CFAP300: variants seen among roughly 807,000 people sequenced by gnomAD.
CFAP300 encodes the protein cilia and flagella associated protein 300.
Under a neutral mutation model 33.0 loss-of-function variants are expected in CFAP300, and 32 were observed. The ratio of observed to expected loss-of-function variants is 0.97; its 90% CI spans 0.73 to 1.30. The LOEUF (loss-of-function observed/expected upper bound fraction) is 1.30. CFAP300 is among the 50% of genes most tolerant of loss of function. CFAP300 has a pLI of 0.00. For missense variants in CFAP300, 356 were observed against 318.1 expected (o/e 1.12, Z -0.90); for synonymous variants, 102 against 106.8 (o/e 0.95, Z 0.28).
At chr11:102,075,836 G>T (rs761205079) in intron 4 of CFAP300, 37 bp from the exon 5 acceptor site, 2 of 1,477,504 alleles carry the variant, frequency 1.4e-6, no homozygotes, top group African/African-American at 2.8e-5. Flanking sequence ...TAAAAATCTT[G>T]AGTTATGTTA....
intron 5 of CFAP300, among the ~76,000 whole-genome samples, chr11:102,079,551 G>A (rs1290318183): frequency 6.6e-6 from 1 of 152,074 alleles, no homozygotes; most frequent in East Asian, 1.9e-4. Context: ...TCCCCAAAAG[G>A]TACACAAGCT....
intron 2 of CFAP300, among the ~76,000 whole-genome samples, chr11:102,049,706 A>C (rs1034657214): frequency 6.6e-6 from 1 of 152,124 alleles, no homozygotes; most frequent in African/African-American, 2.4e-5. Flanking sequence ...TGAATTTTAG[A>C]ATACTGTAAA....
chr11:102,076,806 C>G (rs1942401542), intron 5 of CFAP300, among the ~76,000 whole-genome samples: 1 of 152,138 alleles, frequency 6.6e-6, no homozygotes, highest in Non-Finnish European at 1.5e-5. Flanking sequence ...TGTCATATAG[C>G]TATACAGCAA....
chr11:102,049,845 T>C (rs1941942139), intron 2 of CFAP300, among the ~76,000 whole-genome samples: 1 of 150,234 alleles, frequency 6.7e-6, no homozygotes, highest in Admixed American at 6.6e-5. Context: ...GAGCTAGAAA[T>C]GTTAAGAAAA....
chr11:102,068,431 G>C (rs1228016599), intron 4 of CFAP300, among the ~76,000 whole-genome samples: 2 of 152,154 alleles, frequency 1.3e-5, no homozygotes, highest in Admixed American at 1.3e-4. Context: ...ACACACAATT[G>C]AATGAGACTA....
At chr11:102,073,313 A>T (rs1942341104) in intron 4 of CFAP300, among the ~76,000 whole-genome samples, 1 of 152,142 alleles carries the variant, frequency 6.6e-6, no homozygotes, top group South Asian at 2.1e-4. Context: ...GGGAGCAAGT[A>T]TGGGTGGGTT....
intron 3 of CFAP300, among the ~76,000 whole-genome samples, chr11:102,060,276 ATTTTT>A (rs773964052): frequency 1.5e-5 from 2 of 130,008 alleles, no homozygotes; most frequent in African/African-American, 5.7e-5. Flanking sequence ...CTCAGCCTAA[ATTTTT>A]TTTTTTTTTT....
chr11:102,076,110 G>A, intron 5 of CFAP300, 65 bp downstream of exon 5: 1 of 1,512,688 alleles, frequency 6.6e-7, no homozygotes, highest in South Asian at 1.4e-5. Flanking sequence ...GCTTAACCTT[G>A]ATGGAATTAC....
chr11:102,071,567 T>A (rs1942313035), intron 4 of CFAP300, among the ~76,000 whole-genome samples: 1 of 152,218 alleles, frequency 6.6e-6, no homozygotes, highest in African/African-American at 2.4e-5. Context: ...TTAGTGGCAA[T>A]ATTTGAATCC....
At chr11:102,074,312 G>A (rs1427051678) in intron 4 of CFAP300, among the ~76,000 whole-genome samples, 1 of 152,186 alleles carries the variant, frequency 6.6e-6, no homozygotes, top group Admixed American at 6.5e-5. Flanking sequence ...CTGGGCCCAT[G>A]AGGGTTGAGG....
chr11:102,069,653 A>C (rs1346212888), intron 4 of CFAP300, among the ~76,000 whole-genome samples: 1 of 152,086 alleles, frequency 6.6e-6, no homozygotes, highest in Non-Finnish European at 1.5e-5. Context: ...AAATACAAAA[A>C]TTAGCCAGAC....
intron 3 of CFAP300, among the ~76,000 whole-genome samples, chr11:102,065,677 G>A (rs893313561): frequency 1.1e-4 from 17 of 151,756 alleles, no homozygotes; most frequent in African/African-American, 4.1e-4. Flanking sequence ...TGAGGCAGGA[G>A]AATCGCTTGA....
At chr11:102,068,515 G>A (rs1942261108) in intron 4 of CFAP300, among the ~76,000 whole-genome samples, 1 of 152,170 alleles carries the variant, frequency 6.6e-6, no homozygotes, top group East Asian at 1.9e-4. Flanking sequence ...GGCTGGGCGT[G>A]GTGGCTTACT....
chr11:102,083,026 C>A, intron 6 of CFAP300, 45 bp from the exon 7 acceptor site: 1 of 1,032,708 alleles, frequency 9.7e-7, no homozygotes. Flanking sequence ...TATATAAATA[C>A]ATAAATAAAA....
chr11:102,058,833 A>G (rs1942097620), intron 2 of CFAP300, 47 bp from the exon 3 acceptor site: 2 of 1,099,196 alleles, frequency 1.8e-6, no homozygotes, highest in Non-Finnish European at 1.3e-6. Flanking sequence ...TTTTACTATC[A>G]TTTATAATAA....
intron 3 of CFAP300, among the ~76,000 whole-genome samples, chr11:102,061,424 G>T (rs1183373953): frequency 6.6e-6 from 1 of 152,174 alleles, no homozygotes; most frequent in Admixed American, 6.5e-5. Context: ...AGTGATGATG[G>T]AACCTCCTTC....
chr11:102,077,061 A>G (rs555431695), intron 5 of CFAP300, among the ~76,000 whole-genome samples: 3 of 151,892 alleles, frequency 2.0e-5, no homozygotes, highest in South Asian at 4.2e-4. Context: ...CTCCCTGAAG[A>G]TACTTCTCTG....
chr11:102,050,347 C>T (rs1305778198), intron 2 of CFAP300, among the ~76,000 whole-genome samples: 1 of 152,132 alleles, frequency 6.6e-6, no homozygotes, highest in Non-Finnish European at 1.5e-5. Flanking sequence ...GGGCAGAACC[C>T]AGGCATTTTG....
chr11:102,071,404 C>T (rs1942311101), intron 4 of CFAP300, among the ~76,000 whole-genome samples: 1 of 152,244 alleles, frequency 6.6e-6, no homozygotes, highest in East Asian at 1.9e-4. Flanking sequence ...CCAGTTTACA[C>T]ATTTTAAGTG....
Sources: gnomAD v4.1 joint callset for allele counts (sites outside exome capture counted in the v4.1 genomes callset) on GRCh38, gnomAD v4.1.1 for gene constraint, MANE v1.5 for transcripts, NCBI Gene and HGNC (gene_info 2026-07-23, HGNC 2026-07-21) for gene names.